Variants in LARP4 observed in about 807,000 individuals in gnomAD.
LARP4 encodes the protein La ribonucleoprotein 4.
Under a neutral mutation model 92.9 loss-of-function variants are expected in LARP4, and 29 were observed. The observed-to-expected ratio is 0.31, with a 90% CI of 0.23 to 0.43. The LOEUF (loss-of-function observed/expected upper bound fraction) is 0.43. Ranked by LOEUF, LARP4 falls within the 20% of genes least tolerant of loss-of-function variation. The pLI is 1.00. For missense variants in LARP4, 732 were observed against 860.0 expected, an observed-to-expected ratio of 0.85 and a Z score of 1.86; for synonymous variants, 279 against 284.1, an observed-to-expected ratio of 0.98 and a Z score of 0.18.
intron 12 of LARP4, among the ~76,000 whole-genome samples, chr12:50,466,369 T>A (rs1193415086): frequency 6.6e-6 from 1 of 152,152 alleles, no homozygotes; most frequent in Non-Finnish European, 1.5e-5. Flanking sequence ...GTCCCAGCAC[T>A]TTGGGAGGCC....
chr12:50,469,281 A>G (rs1275837636), intron 13 of LARP4, among the ~76,000 whole-genome samples: 1 of 151,986 alleles, frequency 6.6e-6, no homozygotes, highest in Non-Finnish European at 1.5e-5. Context: ...ATGTTTTATC[A>G]CCTTCAAAAA....
At chr12:50,414,264 G>A (rs1378802928) in intron 1 of LARP4, among the ~76,000 whole-genome samples, 1 of 152,096 alleles carries the variant, frequency 6.6e-6, no homozygotes, top group East Asian at 1.9e-4. Context: ...TTGTTTAACA[G>A]TATTGTAACC....
intron 10 of LARP4, among the ~76,000 whole-genome samples, chr12:50,457,550 A>G (rs184119178): frequency 6.6e-6 from 1 of 152,260 alleles, no homozygotes; most frequent in East Asian, 1.9e-4. Flanking sequence ...GGGGTGGCTC[A>G]TGCCTATATT....
At chr12:50,405,089 G>A (rs997310232) in intron 1 of LARP4, among the ~76,000 whole-genome samples, 1 of 150,540 alleles carries the variant, frequency 6.6e-6, no homozygotes, top group Non-Finnish European at 1.5e-5. Flanking sequence ...TAGTAGACAC[G>A]GGTTTCACGA....
Position 50,466,954 on chromosome 12 carries a change from T to C in LARP4, c.1384-5T>C. 1 of 1,604,076 alleles carries C rather than the reference T, an allele frequency of 6.2e-7. No individual in the cohort carries two copies. On this transcript the variant is annotated splice_polypyrimidine_tract_variant and splice_region_variant and intron_variant, in intron 12 of 15. Transcript: ENST00000398473. ...GTGACCTGTTTTATTATTTGTTCAT[T>C]TTAGAGACCTCATCCTTCAACAGCT...
At chr12:50,462,011 A>G (rs1955467288) in intron 11 of LARP4, among the ~76,000 whole-genome samples, 1 of 152,148 alleles carries the variant, frequency 6.6e-6, no homozygotes, top group Non-Finnish European at 1.5e-5. Context: ...TTGCCTAATT[A>G]AACAATAGTA....
chr12:50,466,613 C>T (rs948989711), intron 12 of LARP4, among the ~76,000 whole-genome samples: 1 of 144,134 alleles, frequency 6.9e-6, no homozygotes, highest in African/African-American at 2.6e-5. Context: ...GACCCTGTCT[C>T]AAAAAAAAAA....
chr12:50,462,608 G>A lies in LARP4; in HGVS notation c.1361G>A (p.Arg454Gln), dbSNP rs375470659. 2 of 1,327,118 alleles carry A rather than the reference G, an allele frequency of 1.5e-6. No individual in the cohort carries two copies. Among genetic ancestry groups the A allele is most frequent in the Non-Finnish European group, 2.0e-6 (2 of 1,001,136 alleles). 82.2% of individuals were successfully genotyped at this position (1,327,118 alleles called of 1,614,324 possible). ...AGAACTCTCTTCAGAGGTCGAAGAC[G>A]ACGAGAAGATGACAGGATCTCAGTA... ...GRRTLFRGRRRREDDRISRPH... is the reference protein window; with the variant it reads ...GRRTLFRGRRQREDDRISRPH... The change falls in exon 12 of 16, where the codon CGA becomes CAA. Residue 454 changes from arginine to glutamine, a missense_variant. Transcript: ENST00000398473.
At chr12:50,468,967 C>T (rs1377831020) in intron 13 of LARP4, among the ~76,000 whole-genome samples, 2 of 151,906 alleles carry the variant, frequency 1.3e-5, no homozygotes, top group Non-Finnish European at 2.9e-5. Context: ...TTCTCTTTAC[C>T]GTCACCCTGG....
intron 3 of LARP4, among the ~76,000 whole-genome samples, chr12:50,429,567 A>G (rs746359804): frequency 1.3e-5 from 2 of 152,142 alleles, no homozygotes. Context: ...TTGTGTGTCT[A>G]TATATAAACA....
chr12:50,418,411 T>C (rs1334189289), intron 1 of LARP4, among the ~76,000 whole-genome samples: 2 of 152,246 alleles, frequency 1.3e-5, no homozygotes, highest in Admixed American at 1.3e-4. Context: ...GGAATTACTC[T>C]TTAATTTAGC....
chr12:50,427,450 TC>T (rs1948970538), intron 1 of LARP4, among the ~76,000 whole-genome samples: 1 of 152,140 alleles, frequency 6.6e-6, no homozygotes, highest in Non-Finnish European at 1.5e-5. Context: ...GCCTCGAACT[TC>T]CTGGGCTTAT....
intron 10 of LARP4, among the ~76,000 whole-genome samples, chr12:50,458,237 T>C (rs1037681881): frequency 8.5e-5 from 13 of 152,056 alleles, no homozygotes; most frequent in Admixed American, 2.0e-4. Flanking sequence ...CTGAGCCCAC[T>C]GCGCCCAGCC....
At chr12:50,467,712 G>T (rs1165508912) in intron 13 of LARP4, among the ~76,000 whole-genome samples, 3 of 152,154 alleles carry the variant, frequency 2.0e-5, no homozygotes, top group Non-Finnish European at 4.4e-5. Context: ...CACTAGTGAT[G>T]AAATGAATTC....
At chr12:50,443,770 G>T (rs1023799316) in intron 8 of LARP4, among the ~76,000 whole-genome samples, 8 of 151,854 alleles carry the variant, frequency 5.3e-5, no homozygotes, top group African/African-American at 1.9e-4. Context: ...TAACAACCAC[G>T]CCCAGCTAAT....
chr12:50,456,342 C>T (rs1391938845), intron 10 of LARP4, among the ~76,000 whole-genome samples: 2 of 151,996 alleles, frequency 1.3e-5, no homozygotes, highest in East Asian at 1.9e-4. Flanking sequence ...TTGACCAATA[C>T]AGGTTGGTAA....
chr12:50,424,612 C>A (rs1176639404), intron 1 of LARP4, among the ~76,000 whole-genome samples: 1 of 151,974 alleles, frequency 6.6e-6, no homozygotes, highest in Non-Finnish European at 1.5e-5. Context: ...CCCACCTCGG[C>A]CTTCCAAAGT....
chr12:50,436,166 G>A (rs1376235962), intron 5 of LARP4, among the ~76,000 whole-genome samples: 1 of 76,764 alleles, frequency 1.3e-5, no homozygotes. Flanking sequence ...GTGTGTGTGT[G>A]TGTGTATGTA....
chr12:50,470,439 C>CTTTCT (rs1956796111), intron 13 of LARP4, among the ~76,000 whole-genome samples: 1 of 145,436 alleles, frequency 6.9e-6, no homozygotes, highest in Non-Finnish European at 1.5e-5. Flanking sequence ...TTCTTTCTTT[C>CTTTCT]TTTTTTTTTT....
Sources: gnomAD v4.1 joint callset for allele counts (sites outside exome capture counted in the v4.1 genomes callset) on GRCh38, gnomAD v4.1.1 for gene constraint, MANE v1.5 for transcripts, NCBI Gene and HGNC (gene_info 2026-07-23, HGNC 2026-07-21) for gene names.